Variants in UBE2E3 observed in about 807,000 individuals in gnomAD.
UBE2E3 encodes ubiquitin conjugating enzyme E2 E3, also known as ubiquitin-conjugating enzyme E2 E3.
A neutral mutation model predicts 23.6 loss-of-function variants in UBE2E3; 5 were observed. The observed-to-expected ratio is 0.21, with a 90% CI of 0.11 to 0.44. UBE2E3 has a LOEUF of 0.44. UBE2E3 is among the 20% of genes least tolerant of loss of function. The probability of loss-of-function intolerance (pLI) is 0.99; values close to 1 mark genes in which losing one functional copy is unlikely to be tolerated. For missense variants in UBE2E3, 81 were observed against 249.8 expected (o/e 0.32, Z 4.55); for synonymous variants, 78 against 87.5 (o/e 0.89, Z 0.60).
At chr2:181,050,968 A>G (rs1453359277) in intron 3 of UBE2E3, among the ~76,000 whole-genome samples, 1 of 151,784 alleles carries the variant, frequency 6.6e-6, no homozygotes, top group East Asian at 1.9e-4. Flanking sequence ...CATGTATTCT[A>G]GCTTGAACAT....
In UBE2E3 at chr2:181,042,116, A is replaced by G. The variant is rs1008845919; in HGVS notation, c.246-15577A>G. The stretch of plus-strand genomic sequence containing the variant: ...ACTAATGTCCTTTTTGTTTCAGGAT[A>G]TCACATTGCATTTAATTGTCACATC... On this transcript the variant is annotated intron_variant, in intron 3 of 5. Coordinates refer to ENST00000410062, the MANE Select transcript of UBE2E3 (RefSeq NM_006357.4). 4.6e-5 allele frequency among the ~76,000 whole-genome samples: 7 copies of G among 152,350 alleles called. No homozygotes were observed. The East Asian group carries it at 1.3e-3, about 29-fold the overall frequency.
intron 3 of UBE2E3, among the ~76,000 whole-genome samples, chr2:181,015,545 T>TA (rs1397599874): frequency 3.3e-5 from 5 of 152,170 alleles, no homozygotes; most frequent in Non-Finnish European, 7.4e-5. Context: ...AATGCAGTAT[T>TA]AAAAGACAGT....
At position 180,982,175 on chromosome 2, in the gene UBE2E3, C is replaced by A. The variant is rs768058829; in HGVS notation, c.133C>A (p.Gln45Lys). The A allele has an allele frequency of 1.2e-6, 2 of 1,612,652 alleles. No individual in the cohort carries two copies. Among genetic ancestry groups the A allele is most frequent in the Non-Finnish European group, 1.7e-6 (2 of 1,179,568 alleles). Residue 45 changes from glutamine to lysine, a missense_variant, in exon 2 of 6, where the codon CAG becomes AAG. Coordinates refer to ENST00000410062, the MANE Select transcript of UBE2E3 (RefSeq NM_006357.4). ...GGAAAGAAAACCTTCTGCCACCCAG[C>A]AGAAGAAAAACACCAAACTCTCTAG... ...QEERKPSATQ[Q>K]KKNTKLSSKT... is the part of the protein sequence containing the mutation.
intron 2 of UBE2E3, among the ~76,000 whole-genome samples, chr2:180,983,320 C>T (rs1363056558): frequency 1.3e-5 from 2 of 152,058 alleles, no homozygotes; most frequent in Admixed American, 6.5e-5. Context: ...ATTTAAAATT[C>T]TCAATTTGGT....
rs544246266 is a variant in UBE2E3 at position 181,023,862 on chromosome 2, C to T, written c.246-33831C>T. On this transcript the variant is annotated intron_variant, in intron 3 of 5. Coordinates refer to ENST00000410062, the MANE Select transcript of UBE2E3 (RefSeq NM_006357.4). The stretch of plus-strand genomic sequence containing the variant: ...AAAGTTCATAAACTGGTGCCCTCCA[C>T]GTAAGTTCGTGCTAGATAAATGTTA... Among the ~76,000 whole-genome samples, 11 of 152,242 alleles carry T rather than the reference C, an allele frequency of 7.2e-5. No homozygotes were observed. In the South Asian group the frequency reaches 1.5e-3, roughly 20 times the overall value.
chr2:181,052,701 C>CT (rs1686877556), intron 3 of UBE2E3, among the ~76,000 whole-genome samples: 1 of 151,720 alleles, frequency 6.6e-6, no homozygotes, highest in African/African-American at 2.4e-5. Flanking sequence ...TCCTGTTTAC[C>CT]TCCCAGTTTG....
chr2:181,015,095 AT>A (rs886532313), intron 3 of UBE2E3, among the ~76,000 whole-genome samples: 1 of 151,902 alleles, frequency 6.6e-6, no homozygotes, highest in African/African-American at 2.4e-5. Flanking sequence ...CTTAATTAAT[AT>A]TTTTTTCCCT....
At chr2:181,017,004 C>A (rs1685512122) in intron 3 of UBE2E3, among the ~76,000 whole-genome samples, 1 of 152,168 alleles carries the variant, frequency 6.6e-6, no homozygotes, top group Non-Finnish European at 1.5e-5. Flanking sequence ...TTGATCCCAT[C>A]TGATTGAGAA....
chr2:180,990,208 A>C (rs1684613873), intron 3 of UBE2E3, among the ~76,000 whole-genome samples: 1 of 152,150 alleles, frequency 6.6e-6, no homozygotes, highest in Admixed American at 6.6e-5. Context: ...TAATGCCCAG[A>C]GATATTTTTT....
At chr2:181,014,747 T>G (rs987874218) in intron 3 of UBE2E3, among the ~76,000 whole-genome samples, 1 of 152,208 alleles carries the variant, frequency 6.6e-6, no homozygotes, top group Admixed American at 6.5e-5. Context: ...TTATACATGT[T>G]TTTGAGATAC....
At chr2:181,059,942 A>G (rs1358803595) in intron 4 of UBE2E3, among the ~76,000 whole-genome samples, 1 of 151,544 alleles carries the variant, frequency 6.6e-6, no homozygotes, top group Non-Finnish European at 1.5e-5. Context: ...TGAATTAGCT[A>G]TCCAATTAGT....
intron 3 of UBE2E3, among the ~76,000 whole-genome samples, chr2:181,055,416 C>G (rs886665553): frequency 1.3e-5 from 2 of 151,630 alleles, no homozygotes; most frequent in African/African-American, 2.4e-5. Context: ...GGACTCAGCC[C>G]TGCAACTGCT....
rs375807148 is a variant in UBE2E3, at chr2:181,028,356, A to G, written c.246-29337A>G. Among the ~76,000 whole-genome samples the G allele has an allele frequency of 2.6e-5, 4 of 152,066 alleles. No homozygotes were observed. The East Asian group carries it at 5.8e-4, about 22-fold the overall frequency. ...ATTTTGTTTTTTGTCACTATGAACAATCGTACTGTGAAGATTACTGAACAT... is the reference window on the plus strand; with the variant it reads ...ATTTTGTTTTTTGTCACTATGAACAGTCGTACTGTGAAGATTACTGAACAT... On this transcript the variant is annotated intron_variant, in intron 3 of 5. Transcript: ENST00000410062.
chr2:181,050,162 A>G (rs115032962), intron 3 of UBE2E3, among the ~76,000 whole-genome samples: 1 of 151,954 alleles, frequency 6.6e-6, no homozygotes, highest in South Asian at 2.1e-4. Context: ...CCACTTCTTT[A>G]CAAGGCAATA....
intron 3 of UBE2E3, among the ~76,000 whole-genome samples, chr2:181,045,515 T>C (rs182814129): frequency 8.5e-5 from 13 of 152,326 alleles, no homozygotes; most frequent in Non-Finnish European, 1.6e-4. Flanking sequence ...TCTGCATATC[T>C]GCTCTCCCCG....
At chr2:181,022,081 G>C (rs1253208986) in intron 3 of UBE2E3, among the ~76,000 whole-genome samples, 1 of 152,146 alleles carries the variant, frequency 6.6e-6, no homozygotes, top group Non-Finnish European at 1.5e-5. Flanking sequence ...GATGTAATAA[G>C]ATAGCATTAA....
intron 3 of UBE2E3, among the ~76,000 whole-genome samples, chr2:181,031,090 T>G (rs1686064231): frequency 6.6e-6 from 1 of 152,200 alleles, no homozygotes; most frequent in Admixed American, 6.5e-5. Context: ...GCTGTACATT[T>G]ACCTCTAAGT....
intron 3 of UBE2E3, among the ~76,000 whole-genome samples, chr2:181,031,983 G>A (rs1362280323): frequency 6.6e-6 from 1 of 152,140 alleles, no homozygotes; most frequent in Non-Finnish European, 1.5e-5. Flanking sequence ...ATGCCATGTA[G>A]CCTGTTCTTA....
chr2:181,048,313 C>T (rs13418851), intron 3 of UBE2E3, among the ~76,000 whole-genome samples: 12,234 of 152,112 alleles, frequency 0.08, 890 homozygotes, highest in East Asian at 0.22. Context: ...ATTCCTAGCC[C>T]CAAATCGTAG....
Sources: allele counts gnomAD v4.1 joint callset (sites outside exome capture counted in the v4.1 genomes callset), GRCh38; gene constraint gnomAD v4.1.1; transcripts MANE v1.5; gene names NCBI Gene and HGNC (gene_info 2026-07-23, HGNC 2026-07-21).